The following ACTR3C variants were observed in gnomAD, a reference collection of about 807,000 sequenced individuals.
The protein encoded by ACTR3C is actin-related protein 3C.
ACTR3C carries 18 observed loss-of-function variants against 26.3 expected under a neutral mutation model. That is an observed-to-expected ratio of 0.68 (90% CI 0.47 to 1.01). The LOEUF is 1.01. ACTR3C is among the 50% of genes least tolerant of loss of function. The pLI is 0.00. For missense variants in ACTR3C, 184 were observed against 250.7 expected, an observed-to-expected ratio of 0.73 and a Z score of 1.80; for synonymous variants, 55 against 94.5, an observed-to-expected ratio of 0.58 and a Z score of 2.42.
At chr7:150,028,553 G>A in the ACTR3C span, among the ~76,000 whole-genome samples, 8 of 152,422 alleles carry the variant, frequency 5.2e-5, no homozygotes, top group Non-Finnish European at 8.8e-5. Context: ...CCTAAGACCC[G>A]CCCGGCGCCG....
the ACTR3C span, chr7:150,002,530 CT>C: frequency 6.6e-6 from 1 of 152,210 alleles, no homozygotes; most frequent in Non-Finnish European, 1.5e-5. Context: ...GGAACGTCCC[CT>C]GACCTTTCAA....
At chr7:150,015,204 C>T in the ACTR3C span, among the ~76,000 whole-genome samples, 4 of 152,140 alleles carry the variant, frequency 2.6e-5, no homozygotes, top group Admixed American at 6.5e-5. Context: ...CACCATCTCC[C>T]GTAGACAATG....
At chr7:150,068,802 A>AC in the ACTR3C span, among the ~76,000 whole-genome samples, 30 of 149,704 alleles carry the variant, frequency 2.0e-4, no homozygotes, top group South Asian at 1.3e-3. Context: ...AAAAAAAAAA[A>AC]CCAAAAAAAG....
At chr7:150,037,763 G>A in the ACTR3C span, among the ~76,000 whole-genome samples, 1 of 49,208 alleles carries the variant, frequency 2.0e-5, no homozygotes, top group Non-Finnish European at 5.6e-5. Flanking sequence ...CCCTCGCGGG[G>A]GGTGCCTCCC....
the ACTR3C span, among the ~76,000 whole-genome samples, chr7:150,121,286 A>G: frequency 3.0e-4 from 46 of 152,336 alleles, no homozygotes; most frequent in African/African-American, 1.0e-3. Flanking sequence ...GAGGAAGTCA[A>G]ATTGTCTCTG....
the ACTR3C span, among the ~76,000 whole-genome samples, chr7:149,983,037 T>A: frequency 6.6e-6 from 1 of 152,130 alleles, no homozygotes; most frequent in Non-Finnish European, 1.5e-5. Context: ...AATAACAGTC[T>A]CTTCCAAAAA....
At chr7:150,041,714 G>A in the ACTR3C span, among the ~76,000 whole-genome samples, 3 of 139,790 alleles carry the variant, frequency 2.1e-5, no homozygotes, top group South Asian at 7.1e-4. Flanking sequence ...CTCGCGGGGG[G>A]TGCCTCCCCC....
chr7:150,260,375 C>T (rs533656670), intron 6 of ACTR3C, among the ~76,000 whole-genome samples: 10 of 152,128 alleles, frequency 6.6e-5, no homozygotes, highest in African/African-American at 2.2e-4. Context: ...CCTAGAAATT[C>T]GTAGAGTAAA....
the ACTR3C span, among the ~76,000 whole-genome samples, chr7:149,924,651 C>T: frequency 1.3e-5 from 2 of 151,786 alleles, no homozygotes; most frequent in African/African-American, 4.8e-5. Flanking sequence ...TTTGAGACAG[C>T]GTCTGGCTCT....
the ACTR3C span, among the ~76,000 whole-genome samples, chr7:150,216,430 G>A: frequency 1.3e-5 from 2 of 151,724 alleles, no homozygotes; most frequent in African/African-American, 2.4e-5. Flanking sequence ...TTCTGGGGTT[G>A]TGGGGGTGAG....
the ACTR3C span, among the ~76,000 whole-genome samples, chr7:150,069,309 A>G: frequency 6.6e-6 from 1 of 152,148 alleles, no homozygotes; most frequent in African/African-American, 2.4e-5. Flanking sequence ...CTGGGACCCC[A>G]CGTTAAGAAA....
chr7:150,073,989 C>T, the ACTR3C span: 1 of 152,228 alleles, frequency 6.6e-6, no homozygotes, highest in Non-Finnish European at 1.5e-5. Context: ...TCACCAAGGA[C>T]ACTTGAAGAA....
the ACTR3C span, among the ~76,000 whole-genome samples, chr7:149,988,635 TG>T: frequency 6.6e-6 from 1 of 152,116 alleles, no homozygotes; most frequent in Non-Finnish European, 1.5e-5. Context: ...CTGCCAGAGG[TG>T]GGATACTTGC....
chr7:150,015,807 T>C, the ACTR3C span, among the ~76,000 whole-genome samples: 31 of 152,248 alleles, frequency 2.0e-4, no homozygotes, highest in African/African-American at 7.5e-4. Flanking sequence ...GCACAGGTGG[T>C]GGGGAGGGAG....
At chr7:150,297,901 G>A (rs1015175271) in intron 1 of ACTR3C, among the ~76,000 whole-genome samples, 1 of 145,616 alleles carries the variant, frequency 6.9e-6, no homozygotes. Flanking sequence ...ATTAAGAACA[G>A]AATGTAAATG....
chr7:150,125,606 A>G, the ACTR3C span, among the ~76,000 whole-genome samples: 1 of 151,670 alleles, frequency 6.6e-6, no homozygotes, highest in African/African-American at 2.4e-5. Flanking sequence ...TTTGCATTTG[A>G]TATTTCTTCC....
At chr7:150,297,784 G>A (rs1353074207) in intron 1 of ACTR3C, among the ~76,000 whole-genome samples, 5 of 151,318 alleles carry the variant, frequency 3.3e-5, no homozygotes, top group East Asian at 1.9e-4. Flanking sequence ...CGTGGGAGGC[G>A]GAGGTTGCAG....
At chr7:150,027,703 A>G in the ACTR3C span, among the ~76,000 whole-genome samples, 32 of 143,718 alleles carry the variant, frequency 2.2e-4, no homozygotes, top group South Asian at 1.4e-3. Flanking sequence ...AGGAACACTG[A>G]TTTGTTATTA....
At chr7:150,284,093 C>G (rs1340904082) in intron 6 of ACTR3C, among the ~76,000 whole-genome samples, 2 of 152,054 alleles carry the variant, frequency 1.3e-5, no homozygotes, top group East Asian at 3.8e-4. Flanking sequence ...CACATTGGCA[C>G]CAAACCCAAA....
Sources: allele counts gnomAD v4.1 joint callset (sites outside exome capture counted in the v4.1 genomes callset), GRCh38; gene constraint gnomAD v4.1.1; transcripts MANE v1.5; gene names NCBI Gene and HGNC (gene_info 2026-07-23, HGNC 2026-07-21).